ANTXR1: variants seen among roughly 807,000 people sequenced by gnomAD.
The protein encoded by ANTXR1 is ANTXR cell adhesion molecule 1.
ANTXR1 carries 19 observed loss-of-function variants against 78.1 expected under a neutral mutation model. The observed-to-expected ratio is 0.24, with a 90% CI of 0.17 to 0.36. ANTXR1 has a LOEUF of 0.36. Ranked by LOEUF, ANTXR1 falls within the 10% of genes least tolerant of loss-of-function variation. The pLI, the probability that ANTXR1 is intolerant of heterozygous loss-of-function variation, is 1.00. For missense variants in ANTXR1, 518 were observed against 718.6 expected, an observed-to-expected ratio of 0.72 and a Z score of 3.19; for synonymous variants, 273 against 260.5, an observed-to-expected ratio of 1.05 and a Z score of -0.46.
Position 69,126,049 on chromosome 2 carries a change from T to C in ANTXR1, c.951+1406T>C, listed in dbSNP as rs1003282939. ...AAGCTGTGTTGTTAGAACCTCTCAG[T>C]AACTGGAGTTGTGTCCTTAATACCA... On this transcript the variant is annotated intron_variant, in intron 12 of 17. Coordinates refer to ENST00000303714, the MANE Select transcript of ANTXR1 (RefSeq NM_032208.3). Among the ~76,000 whole-genome samples the C allele has an allele frequency of 2.0e-5, 3 of 152,164 alleles. 1 individual carries two copies. Among genetic ancestry groups the C allele is most frequent in the African/African-American group, 7.2e-5 (3 of 41,414 alleles).
intron 13 of ANTXR1, among the ~76,000 whole-genome samples, chr2:69,162,711 C>T (rs969248567): frequency 6.6e-6 from 1 of 152,168 alleles, no homozygotes; most frequent in Non-Finnish European, 1.5e-5. Context: ...GCACTATTCC[C>T]TTTGCTCTGT....
At chr2:69,118,980 A>G (rs992556716) in intron 10 of ANTXR1, among the ~76,000 whole-genome samples, 1 of 152,172 alleles carries the variant, frequency 6.6e-6, no homozygotes, top group East Asian at 1.9e-4. Context: ...ACTCGGATGG[A>G]GGAAGGTCTT....
intron 17 of ANTXR1, among the ~76,000 whole-genome samples, chr2:69,242,550 G>T (rs547982752): frequency 3.7e-4 from 57 of 152,162 alleles, no homozygotes; most frequent in African/African-American, 1.3e-3. Flanking sequence ...CTCCCCTCTC[G>T]GCCAGCCTGG....
chr2:69,196,530 A>G (rs143059525), intron 17 of ANTXR1, among the ~76,000 whole-genome samples: 4 of 152,296 alleles, frequency 2.6e-5, no homozygotes, highest in African/African-American at 9.6e-5. Flanking sequence ...AGGGGGGGCA[A>G]TATTGTAGCT....
chr2:69,129,390 G>A (rs1444786970), intron 12 of ANTXR1, among the ~76,000 whole-genome samples: 1 of 152,152 alleles, frequency 6.6e-6, no homozygotes, highest in African/African-American at 2.4e-5. Flanking sequence ...AACTCCTACT[G>A]TGTCTCCTAG....
intron 17 of ANTXR1, among the ~76,000 whole-genome samples, chr2:69,229,001 G>A (rs1044183423): frequency 1.3e-5 from 2 of 152,184 alleles, no homozygotes; most frequent in African/African-American, 4.8e-5. Context: ...TGCTCACATA[G>A]CCATTTCTTG....
chr2:69,184,389 C>G (rs753449389), intron 16 of ANTXR1, among the ~76,000 whole-genome samples: 11 of 152,300 alleles, frequency 7.2e-5, no homozygotes, highest in Non-Finnish European at 1.2e-4. Context: ...GCTTGAATAA[C>G]AGCTGTTTGC....
intron 17 of ANTXR1, among the ~76,000 whole-genome samples, chr2:69,211,853 G>A (rs1224437178): frequency 2.0e-5 from 3 of 152,160 alleles, no homozygotes; most frequent in Non-Finnish European, 4.4e-5. Context: ...CCCCCAAGAC[G>A]CTATTTCAGC....
chr2:69,146,356 A>G (rs1673226630), intron 12 of ANTXR1: 1 of 985,344 alleles, frequency 1.0e-6, no homozygotes, highest in Non-Finnish European at 1.2e-6. Flanking sequence ...ATGTTGATTG[A>G]TTTTTTAAAC....
intron 1 of ANTXR1, among the ~76,000 whole-genome samples, chr2:69,039,437 TTTC>T (rs1292242197): frequency 6.6e-5 from 10 of 152,312 alleles, no homozygotes; most frequent in Non-Finnish European, 1.0e-4. Flanking sequence ...CTGTGTCGTT[TTTC>T]TTCTTTTGTT....
At chr2:69,183,690 C>T (rs1674342613) in intron 16 of ANTXR1, among the ~76,000 whole-genome samples, 1 of 146,606 alleles carries the variant, frequency 6.8e-6, no homozygotes, top group South Asian at 2.2e-4. Context: ...GCTAAGATTA[C>T]AGGCATGGGC....
intron 17 of ANTXR1, among the ~76,000 whole-genome samples, chr2:69,204,423 C>G (rs1390932114): frequency 6.6e-6 from 1 of 152,132 alleles, no homozygotes; most frequent in African/African-American, 2.4e-5. Flanking sequence ...AATCCCAGAC[C>G]CTTCATTTTA....
chr2:69,193,464 TAC>T (rs70954338), intron 17 of ANTXR1, 49 bp downstream of exon 17: 49,920 of 1,019,516 alleles, frequency 0.049, 27 homozygotes, highest in Non-Finnish European at 0.054. Flanking sequence ...CTCTCTCACA[TAC>T]ACACACACAC....
chr2:69,145,924 T>C (rs1673213983), intron 12 of ANTXR1: 2 of 985,604 alleles, frequency 2.0e-6, no homozygotes, highest in Non-Finnish European at 1.2e-6. Context: ...GATGCTTTCA[T>C]TATTGAAGTT....
At chr2:69,181,438 T>C (rs1350482941) in intron 14 of ANTXR1, among the ~76,000 whole-genome samples, 12 of 152,126 alleles carry the variant, frequency 7.9e-5, no homozygotes, top group Admixed American at 5.2e-4. Context: ...AAGTGAGCAG[T>C]TGGAGTTCAG....
intron 5 of ANTXR1, among the ~76,000 whole-genome samples, chr2:69,072,218 C>T (rs531845640): frequency 4.9e-4 from 74 of 152,252 alleles, no homozygotes; most frequent in African/African-American, 1.7e-3. Flanking sequence ...TTAAACTTTC[C>T]TATATTTAAA....
At chr2:69,036,813 G>A (rs375416471) in intron 1 of ANTXR1, among the ~76,000 whole-genome samples, 3 of 152,294 alleles carry the variant, frequency 2.0e-5, no homozygotes, top group Middle Eastern at 3.4e-3. Context: ...CACCTGGAGA[G>A]CATTGGGCCA....
chr2:69,190,022 A>T (rs1674512723), intron 16 of ANTXR1, among the ~76,000 whole-genome samples: 1 of 152,162 alleles, frequency 6.6e-6, no homozygotes, highest in South Asian at 2.1e-4. Context: ...GACCCATGAG[A>T]CTAGATGAGA....
Position 69,245,709 on chromosome 2 carries a change from C to A in ANTXR1, c.*224C>A. 1 of 585,794 alleles carries A rather than the reference C, an allele frequency of 1.7e-6. No homozygotes were observed. The highest frequency in any genetic ancestry group is 3.0e-6 in the Non-Finnish European group (1 of 338,730). 36.3% of individuals were successfully genotyped at this position (585,794 alleles called of 1,614,324 possible). A position where few individuals can be genotyped will look rare whatever the true frequency, so the allele number is the denominator to read the frequency against. On this transcript the variant is annotated 3_prime_UTR_variant, in exon 18 of 18. Coordinates refer to ENST00000303714, the MANE Select transcript of ANTXR1 (RefSeq NM_032208.3). ...AGGCAACTACAGTCAGATTTATAGC[C>A]AGCCATCTATCACCTCTAGAAGGTT... is the stretch of plus-strand genomic sequence containing the variant.
Sources: allele counts gnomAD v4.1 joint callset (sites outside exome capture counted in the v4.1 genomes callset), GRCh38; gene constraint gnomAD v4.1.1; transcripts MANE v1.5; gene names NCBI Gene and HGNC (gene_info 2026-07-23, HGNC 2026-07-21).